KDM5B: variants seen among roughly 807,000 people sequenced by gnomAD.
The protein encoded by KDM5B is lysine demethylase 5B.
In KDM5B, 144 loss-of-function variants were observed where a neutral mutation model predicts 193.4. The observed-to-expected ratio is 0.74, with a 90% CI of 0.65 to 0.86. The LOEUF (loss-of-function observed/expected upper bound fraction) is 0.86, where lower values mean the gene tolerates loss of function less well. KDM5B is among the 40% of genes least tolerant of loss of function. KDM5B has a pLI of 0.00. For synonymous variants in KDM5B, 668 were observed against 682.6 expected, an observed-to-expected ratio of 0.98 and a Z score of 0.33; for missense variants, 1,833 against 1,886.9, an observed-to-expected ratio of 0.97 and a Z score of 0.53.
At chr1:202,759,288 C>T (rs1017967804) in intron 8 of KDM5B, among the ~76,000 whole-genome samples, 1 of 152,044 alleles carries the variant, frequency 6.6e-6, no homozygotes, top group Admixed American at 6.6e-5. Context: ...ACCTGTAATC[C>T]GGCACTTTGG....
At chr1:202,795,086 T>G (rs1479609993) in intron 1 of KDM5B, among the ~76,000 whole-genome samples, 11 of 151,748 alleles carry the variant, frequency 7.2e-5, no homozygotes. Flanking sequence ...TGGTAGCAGG[T>G]GCCTGTAGTC....
At chr1:202,779,804 AAAAT>A (rs145024625) in intron 1 of KDM5B, among the ~76,000 whole-genome samples, 4,182 of 141,288 alleles carry the variant, frequency 0.03, 87 homozygotes, top group African/African-American at 0.057. Context: ...CTCCGTCTCA[AAAAT>A]AAATAAATAA....
chr1:202,771,786 T>C (rs1656730197), intron 4 of KDM5B, among the ~76,000 whole-genome samples: 2 of 151,876 alleles, frequency 1.3e-5, no homozygotes, highest in Non-Finnish European at 2.9e-5. Context: ...TTCACCATGT[T>C]GGCCAGGATG....
chr1:202,766,413 G>A, intron 5 of KDM5B: 1 of 385,332 alleles, frequency 2.6e-6, no homozygotes. Context: ...GGCTGAGGCA[G>A]AAGAATTGCT....
intron 12 of KDM5B, 110 bp from the exon 13 acceptor site, chr1:202,750,888 G>C (rs750636257): frequency 6.1e-6 from 7 of 1,145,332 alleles, no homozygotes; most frequent in Non-Finnish European, 8.7e-6. Flanking sequence ...GCAGCTTTCT[G>C]AAATTGAGCC....
Position 202,808,367 on chromosome 1 carries a change from C to T in KDM5B, c.-62G>A. The T allele has an allele frequency of 6.9e-7, 1 of 1,454,278 alleles. No homozygotes were observed. The highest frequency in any genetic ancestry group is 1.4e-5 in the South Asian group (1 of 73,432). The allele number at this position is 1,454,278 out of a possible 1,614,324, so 90.1% of individuals were successfully genotyped here. On this transcript the variant is annotated 5_prime_UTR_variant, in exon 1 of 27. Coordinates refer to ENST00000367265, the MANE Select transcript of KDM5B (RefSeq NM_006618.5). ...TCCGGGACCGAGGCTGCGAGCTCCG[C>T]TCGGTCCGAGACCCGTGCAGACGCG...
rs1205453200 is a variant in KDM5B, at chr1:202,730,971, C to T, written c.4114G>A (p.Ala1372Thr). The T allele has an allele frequency of 6.2e-7, 1 of 1,613,774 alleles. No individual in the cohort carries two copies. Among genetic ancestry groups the T allele is most frequent in the African/African-American group, 1.3e-5 (1 of 75,016 alleles). The change falls in exon 25 of 27, where the codon GCA becomes ACA. Residue 1372 changes from alanine (A) to threonine (T), a missense_variant. By Grantham distance (58) the Ala-to-Thr change is moderately conservative. Transcript: ENST00000367265. ...EIQELYQTLL[A>T]KPSPAQQTDR... is the part of the protein sequence containing the mutation. ...GTCTGCTGAGCAGGGCTTGGCTTTGCAAGTAAAGTCTGGTAAAGTTCCTGA... is the reference window on the plus strand; with the variant it reads ...GTCTGCTGAGCAGGGCTTGGCTTTGTAAGTAAAGTCTGGTAAAGTTCCTGA...
chr1:202,742,892 G>T, intron 16 of KDM5B, 87 bp from the exon 17 acceptor site: 2 of 1,083,492 alleles, frequency 1.8e-6, no homozygotes, highest in East Asian at 2.4e-5. Flanking sequence ...GGTTTTGTCA[G>T]TTCTTGTCTA....
At chr1:202,757,354 G>A (rs1044043523) in intron 9 of KDM5B, among the ~76,000 whole-genome samples, 4 of 152,276 alleles carry the variant, frequency 2.6e-5, no homozygotes, top group East Asian at 3.9e-4. Context: ...ATAACAAAAG[G>A]AGCAACTTGT....
chr1:202,731,781 G>A (rs1219990871), intron 24 of KDM5B, 47 bp downstream of exon 24: 1 of 1,282,420 alleles, frequency 7.8e-7, no homozygotes, highest in Non-Finnish European at 1.1e-6. Flanking sequence ...AGTAATACAA[G>A]ATCACTCATT....
At position 202,749,038 on chromosome 1, in the gene KDM5B, A is replaced by G. The variant is rs1271116887; in HGVS notation, c.1923T>C (p.Asp641=). 1 of 1,614,144 alleles carries G rather than the reference A, an allele frequency of 6.2e-7. No individual in the cohort carries two copies. The highest frequency in any genetic ancestry group is 8.5e-7 in the Non-Finnish European group (1 of 1,179,976). ...EMICKMASKA[D]VLDVVVASTV... is the part of the protein sequence containing the mutation. Reference sequence around the variant, plus strand: ...TTGAAGCCACTACAACATCTAATACATCAGCCTTGGAAGCCATCTTGCAGA... The same window carrying G: ...TTGAAGCCACTACAACATCTAATACGTCAGCCTTGGAAGCCATCTTGCAGA... Residue 641 remains aspartate, a synonymous_variant, in exon 14 of 27, where the codon GAT becomes GAC. Transcript: ENST00000367265.
At chr1:202,759,945 C>CT (rs1351782942) in intron 8 of KDM5B, among the ~76,000 whole-genome samples, 1 of 152,212 alleles carries the variant, frequency 6.6e-6, no homozygotes, top group Non-Finnish European at 1.5e-5. Flanking sequence ...GAACTCACTT[C>CT]TAAGACCTCT....
Position 202,735,519 on chromosome 1 carries a change from G to A in KDM5B, c.3333C>T (p.Pro1111=), listed in dbSNP as rs1655057817. 1 of 1,613,968 alleles carries A rather than the reference G, an allele frequency of 6.2e-7. No homozygotes were observed. The highest frequency in any genetic ancestry group is 8.5e-7 in the Non-Finnish European group (1 of 1,179,938). ...LKRKQRKLKE[P]LPNGKKKSTK... is the part of the protein sequence containing the mutation. ...TGCTTTTTTTCTTTCCATTTGGCAAGGGCTCCTTTAACTTTCTCTGCTTCC... is the reference window on the plus strand; with the variant it reads ...TGCTTTTTTTCTTTCCATTTGGCAAAGGCTCCTTTAACTTTCTCTGCTTCC... Residue 1111 remains proline (P), a synonymous_variant, in exon 22 of 27, where the codon CCC becomes CCT. Coordinates refer to ENST00000367265, the MANE Select transcript of KDM5B (RefSeq NM_006618.5).
chr1:202,728,853 T>A lies in KDM5B; in HGVS notation c.*183A>T, dbSNP rs944856331. The A allele has an allele frequency of 2.1e-5, 14 of 670,054 alleles. No homozygotes were observed. Among genetic ancestry groups the A allele is most frequent in the South Asian group, 1.1e-4 (4 of 35,674 alleles). 41.5% of individuals were successfully genotyped at this position (670,054 alleles called of 1,614,324 possible). A position where few individuals can be genotyped will look rare whatever the true frequency, so the allele number is the denominator to read the frequency against. Reference sequence around the variant, plus strand: ...GAAAAAATACAAAAAGTGTCAAAAATTTTTTTAGTTGTTTTTTCTTTTCTT... The same window carrying A: ...GAAAAAATACAAAAAGTGTCAAAAAATTTTTTAGTTGTTTTTTCTTTTCTT... On this transcript the variant is annotated 3_prime_UTR_variant, in exon 27 of 27. Coordinates refer to ENST00000367265, the MANE Select transcript of KDM5B (RefSeq NM_006618.5).
intron 8 of KDM5B, among the ~76,000 whole-genome samples, chr1:202,759,781 T>C (rs1381790574): frequency 6.6e-6 from 1 of 152,224 alleles, no homozygotes; most frequent in Admixed American, 6.5e-5. Context: ...TGGTTATATA[T>C]GCATTGTGAA....
intron 1 of KDM5B, among the ~76,000 whole-genome samples, chr1:202,778,667 G>C (rs1198007993): frequency 6.6e-6 from 1 of 152,126 alleles, no homozygotes; most frequent in Non-Finnish European, 1.5e-5. Context: ...CTGTCACCCA[G>C]GCTGGAGTAC....
At chr1:202,792,214 T>A (rs1035198596) in intron 1 of KDM5B, among the ~76,000 whole-genome samples, 2 of 152,128 alleles carry the variant, frequency 1.3e-5, no homozygotes, top group Non-Finnish European at 2.9e-5. Context: ...TTATTTTGTT[T>A]TCTATATTTT....
intron 11 of KDM5B, among the ~76,000 whole-genome samples, chr1:202,754,981 G>A (rs1234738145): frequency 2.6e-5 from 4 of 152,130 alleles, no homozygotes; most frequent in Admixed American, 6.6e-5. Context: ...CACTGCACCC[G>A]GCCTAGACAA....
intron 9 of KDM5B, among the ~76,000 whole-genome samples, chr1:202,757,074 G>C (rs961910528): frequency 2.1e-5 from 3 of 141,724 alleles, no homozygotes; most frequent in African/African-American, 7.6e-5. Context: ...ATGGGGAAGG[G>C]CAGGGCGCAA....
Sources: gnomAD v4.1 joint callset for allele counts (sites outside exome capture counted in the v4.1 genomes callset) on GRCh38, gnomAD v4.1.1 for gene constraint, MANE v1.5 for transcripts, NCBI Gene and HGNC (gene_info 2026-07-23, HGNC 2026-07-21) for gene names.